The following DYNC1H1 variants were observed in gnomAD, a reference collection of about 807,000 sequenced individuals.
DYNC1H1 encodes the protein cytoplasmic dynein 1 heavy chain 1.
DYNC1H1 carries 51 observed loss-of-function variants against 527.1 expected under a neutral mutation model. The ratio of observed to expected loss-of-function variants is 0.10; its 90% CI spans 0.08 to 0.12. The LOEUF is 0.12. Ranked by LOEUF, DYNC1H1 falls within the 10% of genes least tolerant of loss-of-function variation. DYNC1H1 has a pLI of 1.00. For missense variants in DYNC1H1, 2,771 were observed against 5,971.8 expected, an observed-to-expected ratio of 0.46 and a Z score of 17.66; for synonymous variants, 2,189 against 2,278.8, an observed-to-expected ratio of 0.96 and a Z score of 1.12.
chr14:101,973,893 T>C (rs909611634), intron 1 of DYNC1H1, among the ~76,000 whole-genome samples: 2 of 152,188 alleles, frequency 1.3e-5, no homozygotes, highest in Non-Finnish European at 2.9e-5. Context: ...TAGCTTTTGC[T>C]CAGACCCTGT....
chr14:102,038,911 G>A lies in DYNC1H1; in HGVS notation c.11206+63G>A. On this transcript the variant is annotated intron_variant, in intron 59 of 77. Transcript: ENST00000360184. The surrounding 1 kb of genome is among the most constrained non-coding windows in gnomAD (Gnocchi z 7.2). ...AGGGGAAGGGGCTGAACTTTTAAGTGACTAGGATGTTCCACGTTTGTGGCA... is the reference window on the plus strand; with the variant it reads ...AGGGGAAGGGGCTGAACTTTTAAGTAACTAGGATGTTCCACGTTTGTGGCA... The A allele has an allele frequency of 1.2e-6, 2 of 1,613,278 alleles. No individual in the cohort carries two copies. Among genetic ancestry groups the A allele is most frequent in the Non-Finnish European group, 1.7e-6 (2 of 1,179,746 alleles).
intron 73 of DYNC1H1, 162 bp from the exon 74 acceptor site, chr14:102,048,354 C>T: frequency 9.9e-7 from 1 of 1,014,930 alleles, no homozygotes; most frequent in East Asian, 2.6e-5. Flanking sequence ...CTCAGCTTCA[C>T]ACAAGCTCGG....
Position 102,036,380 on chromosome 14 carries a change from G to A in DYNC1H1, c.10755-109G>A. ...CGTCTCCGGAAACCACTCTCGGGTG[G>A]TGGTAACAGCCTATCAATCAGGGTC... is the stretch of plus-strand genomic sequence containing the variant. On this transcript the variant is annotated intron_variant, in intron 56 of 77. Transcript: ENST00000360184. The surrounding 1 kb of genome is among the most constrained non-coding windows in gnomAD (Gnocchi z 5.6). 2.1e-6 allele frequency: 3 copies of A among 1,461,530 alleles called. No homozygotes were observed. In the South Asian group the frequency reaches 3.4e-5, roughly 17 times the overall value. 90.5% of individuals were successfully genotyped at this position (1,461,530 alleles called of 1,614,324 possible).
chr14:101,996,733 C>T (rs1478344533), intron 15 of DYNC1H1, among the ~76,000 whole-genome samples: 3 of 152,130 alleles, frequency 2.0e-5, no homozygotes, highest in Non-Finnish European at 4.4e-5. Flanking sequence ...ACAATCCTCC[C>T]ACCTCAGTCT....
rs1302490099 is a variant in DYNC1H1, at chr14:102,042,567, T to A, written c.12399+60T>A. The A allele has an allele frequency of 6.2e-7, 1 of 1,613,608 alleles. No individual in the cohort carries two copies. Among genetic ancestry groups the A allele is most frequent in the African/African-American group, 1.3e-5 (1 of 74,894 alleles). ...GGCCTGGCACTGTGCTGTCGGCACG[T>A]GTGTGGTGGAATTGAACAGGCGCCC... On this transcript the variant is annotated intron_variant, in intron 68 of 77. Coordinates refer to ENST00000360184, the MANE Select transcript of DYNC1H1 (RefSeq NM_001376.5). This position sits in a 1 kb window ranked among gnomAD's most constrained non-coding sequence, Gnocchi z 5.7.
rs752801900 is a variant in DYNC1H1 at position 102,020,075 on chromosome 14, C to A, written c.8507+19C>A. On this transcript the variant is annotated intron_variant, in intron 42 of 77. Coordinates refer to ENST00000360184, the MANE Select transcript of DYNC1H1 (RefSeq NM_001376.5). The surrounding 1 kb of genome is among the most constrained non-coding windows in gnomAD (Gnocchi z 4.3). Reference sequence around the variant, plus strand: ...AAGATAGGTAAGGGAAGCCGAGGATCCAGTTGGTCCCATTCTCCCCTGCTC... The same window carrying A: ...AAGATAGGTAAGGGAAGCCGAGGATACAGTTGGTCCCATTCTCCCCTGCTC... 4 of 1,613,290 alleles carry A rather than the reference C, an allele frequency of 2.5e-6. No individual in the cohort carries two copies. The African/African-American group carries it at 5.3e-5, about 22-fold the overall frequency.
chr14:102,009,793 G>GTT (rs748875467), intron 29 of DYNC1H1, 50 bp from the exon 30 acceptor site: 65 of 1,250,368 alleles, frequency 5.2e-5, no homozygotes, highest in African/African-American at 9.2e-5. Context: ...AATGCATTTT[G>GTT]TTTTTTTTTT....
In DYNC1H1 at chr14:102,029,455, C is replaced by A; in HGVS notation, c.9469-84C>A. On this transcript the variant is annotated intron_variant, in intron 48 of 77. Transcript: ENST00000360184. This position sits in a 1 kb window ranked among gnomAD's most constrained non-coding sequence, Gnocchi z 5.3. ...CCAGGCTCCTTCTATCATGTCACAC[C>A]CATCTGCCAAGGCCAAAATTGTTTT... 6.3e-7 allele frequency: 1 copy of A among 1,583,790 alleles called. No homozygotes were observed. The highest frequency in any genetic ancestry group is 8.6e-7 in the Non-Finnish European group (1 of 1,158,936).
chr14:102,048,360 C>A, intron 73 of DYNC1H1, 156 bp from the exon 74 acceptor site: 1 of 1,051,502 alleles, frequency 9.5e-7, no homozygotes, highest in Non-Finnish European at 1.4e-6. Context: ...TTCACACAAG[C>A]TCGGTTCCAA....
chr14:101,991,639 T>C lies in DYNC1H1; in HGVS notation c.2981T>C (p.Leu994Pro). Residue 994 changes from leucine (L) to proline (P), a missense_variant, in exon 11 of 78, where the codon CTG (leucine) becomes CCG (proline). Leu to Pro is a moderately conservative substitution (Grantham distance 98, BLOSUM62 -3). Around this residue, in one of 32 missense-constraint regions of DYNC1H1, gnomAD observed 179 missense variants for 349.4 expected, o/e 0.51. Coordinates refer to ENST00000360184, the MANE Select transcript of DYNC1H1 (RefSeq NM_001376.5). ...ATGTTTGCCTGGAAGATGGTTGTAC[T>C]GTCTCTCCCCAGGATCCAGAGTCAG... ...QEMFAWKMVV[L>P]SLPRIQSQRY... 6.2e-7 allele frequency: 1 copy of C among 1,614,234 alleles called. No individual in the cohort carries two copies. The highest frequency in any genetic ancestry group is 8.5e-7 in the Non-Finnish European group (1 of 1,180,036).
intron 48 of DYNC1H1, 187 bp downstream of exon 48, chr14:102,028,328 A>T (rs997066728): frequency 3.2e-6 from 2 of 626,218 alleles, no homozygotes; most frequent in Admixed American, 4.8e-5. Flanking sequence ...CCTGGGCAAC[A>T]TGGCGAGACC....
chr14:102,038,680 T>C lies in DYNC1H1; in HGVS notation c.11056-18T>C, dbSNP rs1388035142. The C allele has an allele frequency of 1.9e-6, 3 of 1,614,128 alleles. No homozygotes were observed. In the African/African-American group the frequency reaches 4.0e-5, roughly 22 times the overall value. ...GAAACTGGATTAAGACAGACTGTTC[T>C]GTTACCTATTTTGGCAGGTCGAGTT... is the stretch of plus-strand genomic sequence containing the variant. On this transcript the variant is annotated intron_variant, in intron 58 of 77. Coordinates refer to ENST00000360184, the MANE Select transcript of DYNC1H1 (RefSeq NM_001376.5). This position sits in a 1 kb window ranked among gnomAD's most constrained non-coding sequence, Gnocchi z 7.2.
chr14:102,009,185 G>A (rs2048231024), intron 29 of DYNC1H1: 1 of 154,150 alleles, frequency 6.5e-6, no homozygotes, highest in African/African-American at 2.4e-5. Flanking sequence ...GGGAGGGTGG[G>A]ATGCTGAAGG....
chr14:102,032,515 G>T (rs781368862), intron 52 of DYNC1H1, 48 bp downstream of exon 52: 44 of 1,611,972 alleles, frequency 2.7e-5, no homozygotes, highest in Non-Finnish European at 3.6e-5. Context: ...GAAATCAGTT[G>T]TTCAGGCCAG....
Position 102,036,297 on chromosome 14 carries a change from C to T in DYNC1H1, c.10755-192C>T, listed in dbSNP as rs2048574528. 1.6e-6 allele frequency: 1 copy of T among 640,150 alleles called. No homozygotes were observed. The highest frequency in any genetic ancestry group is 2.7e-6 in the Non-Finnish European group (1 of 364,410). 39.7% of individuals were successfully genotyped at this position (640,150 alleles called of 1,614,324 possible). ...CTACCTCCTCATGCCAATAGTTGTT[C>T]AAAAGGATGAGGTGATGTTAGCATT... On this transcript the variant is annotated intron_variant, in intron 56 of 77. Transcript: ENST00000360184. This position sits in a 1 kb window ranked among gnomAD's most constrained non-coding sequence, Gnocchi z 5.6.
intron 2 of DYNC1H1, among the ~76,000 whole-genome samples, chr14:101,978,954 T>G (rs1012664073): frequency 6.6e-6 from 1 of 152,224 alleles, no homozygotes; most frequent in Admixed American, 6.5e-5. Context: ...AAGGGGAGCC[T>G]GGAATGGCCT....
At chr14:102,047,641 G>GTGTATATATATA in intron 72 of DYNC1H1, 176 bp from the exon 73 acceptor site, 24 of 316,752 alleles carry the variant, frequency 7.6e-5, no homozygotes, top group African/African-American at 6.3e-4. Context: ...GTGTGTGTGT[G>GTGTATATATATA]TATATATATA....
chr14:102,007,702 A>G (rs915506599), intron 28 of DYNC1H1, among the ~76,000 whole-genome samples: 37 of 152,194 alleles, frequency 2.4e-4, no homozygotes, highest in African/African-American at 8.7e-4. Context: ...GCAGATTGTC[A>G]GAGTCAGGGT....
Position 102,010,857 on chromosome 14 carries a change from A to G in DYNC1H1, c.6523A>G (p.Met2175Val). 1 of 1,614,270 alleles carries G rather than the reference A, an allele frequency of 6.2e-7. No homozygotes were observed. The highest frequency in any genetic ancestry group is 8.5e-7 in the Non-Finnish European group (1 of 1,180,042). The change falls in exon 32 of 78, where the codon ATG (methionine) becomes GTG (valine). Residue 2175 changes from methionine to valine, a missense_variant. By Grantham distance (21) the Met-to-Val change is conservative (BLOSUM62 1). This residue lies in a region of DYNC1H1 where 56 missense variants were observed against 140.6 expected (regional missense o/e 0.40). Transcript: ENST00000360184. The surrounding 1 kb of genome is among the most constrained non-coding windows in gnomAD (Gnocchi z 6.0). Reference sequence around the variant, plus strand: ...TGGAGTCCAGTATCACAGGGGTGAGATGACTGCCCTTCGAGAGGAGCTGAA... The same window carrying G: ...TGGAGTCCAGTATCACAGGGGTGAGGTGACTGCCCTTCGAGAGGAGCTGAA... ...FPGVQYHRGE[M>V]TALREELKKV...
Sources: gnomAD v4.1 joint callset for allele counts (sites outside exome capture counted in the v4.1 genomes callset) on GRCh38, gnomAD v4.1.1 for gene constraint, gnomAD v4.1.1 regional missense constraint, Gnocchi (gnomAD v3.1) non-coding constraint, MANE v1.5 for transcripts, NCBI Gene and HGNC (gene_info 2026-07-23, HGNC 2026-07-21) for gene names.